MOB4: variants seen among roughly 807,000 people sequenced by gnomAD.
MOB4 encodes MOB family member 4, phocein, also known as MOB-like protein phocein.
Under a neutral mutation model 32.2 loss-of-function variants are expected in MOB4, and 4 were observed. The ratio of observed to expected loss-of-function variants is 0.12; its 90% CI spans 0.06 to 0.28. MOB4 has a LOEUF of 0.28. MOB4 is among the 10% of genes least tolerant of loss of function. The probability of loss-of-function intolerance (pLI) is 1.00; values close to 1 mark genes in which losing one functional copy is unlikely to be tolerated. For synonymous variants in MOB4, 88 were observed against 88.1 expected (o/e 1.00, Z 0.01); for missense variants, 158 against 271.2 (o/e 0.58, Z 2.93).
At position 197,533,872 on chromosome 2, in the gene MOB4, G is replaced by A. The variant is rs113102944; in HGVS notation, c.124-1658G>A. ...CTGGCCAAGAAACAAAAGCAAAATCGTCCCATTCCCCAGTGGATTCAGATG... is the reference window on the plus strand; with the variant it reads ...CTGGCCAAGAAACAAAAGCAAAATCATCCCATTCCCCAGTGGATTCAGATG... On this transcript the variant is annotated intron_variant, in intron 2 of 7. Transcript: ENST00000323303. 6.6e-4 allele frequency: 424 copies of A among 644,070 alleles called. 2 individuals are homozygous for A. In the African/African-American group the frequency reaches 6.8e-3, roughly 10 times the overall value. The allele number at this position is 644,070 out of a possible 1,614,324, so 39.9% of individuals were successfully genotyped here. A position where few individuals can be genotyped will look rare whatever the true frequency, so the allele number is the denominator to read the frequency against.
chr2:197,527,817 G>A (rs909640186), intron 2 of MOB4, among the ~76,000 whole-genome samples: 3 of 152,084 alleles, frequency 2.0e-5, no homozygotes, highest in Admixed American at 2.0e-4. Flanking sequence ...TTTAAACCTA[G>A]TTTTCTGAGT....
chr2:197,522,744 T>C (rs1265472792), intron 1 of MOB4, among the ~76,000 whole-genome samples: 2 of 151,974 alleles, frequency 1.3e-5, no homozygotes, highest in Non-Finnish European at 2.9e-5. Flanking sequence ...GGGTCGATCA[T>C]GGTGGCTCAC....
chr2:197,542,194 T>C (rs895166613), intron 5 of MOB4, among the ~76,000 whole-genome samples: 1 of 152,254 alleles, frequency 6.6e-6, no homozygotes, highest in Non-Finnish European at 1.5e-5. Context: ...TCATATCCAC[T>C]TCTTTCTTGA....
intron 1 of MOB4, among the ~76,000 whole-genome samples, chr2:197,520,475 C>CT (rs2086496786): frequency 6.6e-6 from 1 of 151,952 alleles, no homozygotes. Flanking sequence ...TTCTAATTTG[C>CT]TTTTTTTGCT....
At chr2:197,544,525 G>A (rs552743694) in intron 5 of MOB4, among the ~76,000 whole-genome samples, 36 of 152,240 alleles carry the variant, frequency 2.4e-4, no homozygotes, top group African/African-American at 7.7e-4. Context: ...AGGCCAAGGC[G>A]GGCGGATCAC....
At chr2:197,519,744 G>A (rs2106102170) in intron 1 of MOB4, among the ~76,000 whole-genome samples, 1 of 152,166 alleles carries the variant, frequency 6.6e-6, no homozygotes, top group South Asian at 2.1e-4. Context: ...GATATGGAGG[G>A]CCAACTGTAC....
rs573507195 is a variant in MOB4, at chr2:197,549,859, T to TAA, written c.435-397_435-396dup. 2.7e-3 allele frequency among the ~76,000 whole-genome samples: 230 copies of TAA among 85,086 alleles called. 5 individuals are homozygous for TAA. Among genetic ancestry groups the TAA allele is most frequent in the South Asian group, 0.013 (33 of 2,446 alleles). The allele number at this position is 85,086 out of a possible 152,430, so 55.8% of individuals were successfully genotyped here. On this transcript the variant is annotated intron_variant, in intron 6 of 7. Coordinates refer to ENST00000323303, the MANE Select transcript of MOB4 (RefSeq NM_015387.5). ...AGCCACCACACCTGGCCTTAATTTC[T>TAA]AAAAAAAAAAAAAAAAAAAAGAAAA... is the stretch of plus-strand genomic sequence containing the variant.
intron 2 of MOB4, 77 bp downstream of exon 2, chr2:197,523,763 G>C (rs750822367): frequency 1.4e-6 from 2 of 1,384,040 alleles, no homozygotes; most frequent in Middle Eastern, 2.5e-4. Flanking sequence ...GCCTTTGTCT[G>C]TTGGTCACTG....
At chr2:197,539,376 T>C (rs1266885342) in intron 3 of MOB4, among the ~76,000 whole-genome samples, 2 of 147,572 alleles carry the variant, frequency 1.4e-5, no homozygotes, top group African/African-American at 5.1e-5. Context: ...TGGAGTGCAG[T>C]AGTGTGATCT....
intron 6 of MOB4, among the ~76,000 whole-genome samples, chr2:197,548,809 C>G (rs1267050943): frequency 6.6e-6 from 1 of 152,044 alleles, no homozygotes; most frequent in African/African-American, 2.4e-5. Flanking sequence ...AGGCTAGTAC[C>G]TGTTCATATA....
At chr2:197,517,144 A>G (rs1040056988) in intron 1 of MOB4, among the ~76,000 whole-genome samples, 3 of 152,230 alleles carry the variant, frequency 2.0e-5, no homozygotes, top group African/African-American at 7.2e-5. Flanking sequence ...GCATACAGGT[A>G]TTGATTACCT....
At chr2:197,537,828 G>A (rs934723790) in intron 3 of MOB4, among the ~76,000 whole-genome samples, 1 of 152,102 alleles carries the variant, frequency 6.6e-6, no homozygotes, top group African/African-American at 2.4e-5. Flanking sequence ...TCACCAGGCT[G>A]GAGTGCAGTG....
intron 1 of MOB4, among the ~76,000 whole-genome samples, chr2:197,519,750 T>C (rs1288641468): frequency 6.6e-6 from 1 of 152,224 alleles, no homozygotes; most frequent in Non-Finnish European, 1.5e-5. Context: ...GAGGGCCAAC[T>C]GTACATGTGT....
At chr2:197,529,059 C>T (rs1166713720) in intron 2 of MOB4, among the ~76,000 whole-genome samples, 1 of 150,770 alleles carries the variant, frequency 6.6e-6, no homozygotes, top group Non-Finnish European at 1.5e-5. Flanking sequence ...AATTCTCCTG[C>T]CTCAGCCTCA....
intron 2 of MOB4, among the ~76,000 whole-genome samples, chr2:197,533,219 G>A (rs984066676): frequency 6.6e-6 from 1 of 152,204 alleles, no homozygotes; most frequent in Non-Finnish European, 1.5e-5. Flanking sequence ...ATGGAGTTCT[G>A]TGAGGATTCG....
At chr2:197,518,208 T>C (rs2086449589) in intron 1 of MOB4, among the ~76,000 whole-genome samples, 1 of 152,140 alleles carries the variant, frequency 6.6e-6, no homozygotes, top group Non-Finnish European at 1.5e-5. Context: ...AAAAAGTTGG[T>C]TAGACTGGAA....
At chr2:197,526,374 T>C (rs908236517) in intron 2 of MOB4, among the ~76,000 whole-genome samples, 2 of 152,218 alleles carry the variant, frequency 1.3e-5, no homozygotes, top group African/African-American at 4.8e-5. Context: ...TGGAGTGCAG[T>C]GGCGTGACCT....
intron 6 of MOB4, among the ~76,000 whole-genome samples, chr2:197,549,129 G>C (rs917290629): frequency 2.0e-5 from 3 of 152,114 alleles, no homozygotes; most frequent in African/African-American, 7.2e-5. Flanking sequence ...TTGGGAGGCT[G>C]AGGCAGGAGA....
At chr2:197,533,746 AG>A in intron 2 of MOB4, 36 of 334,608 alleles carry the variant, frequency 1.1e-4, no homozygotes, top group Admixed American at 2.4e-4. Context: ...AAAAAAAAAA[AG>A]TATTTGATCC....
Sources: gnomAD v4.1 joint callset for allele counts (sites outside exome capture counted in the v4.1 genomes callset) on GRCh38, gnomAD v4.1.1 for gene constraint, MANE v1.5 for transcripts, NCBI Gene and HGNC (gene_info 2026-07-23, HGNC 2026-07-21) for gene names.